The following ASPH variants were observed in gnomAD, a reference collection of about 807,000 sequenced individuals.
ASPH encodes aspartyl/asparaginyl beta-hydroxylase.
ASPH carries 100 observed loss-of-function variants against 118.4 expected under a neutral mutation model. That is an observed-to-expected ratio of 0.84 (90% CI 0.72 to 1.00). ASPH has a LOEUF of 1.00. Among genes scored for constraint, ASPH ranks in the 50% least tolerant of loss-of-function variants. The pLI is 0.00. For missense variants in ASPH, 920 were observed against 919.5 expected (o/e 1.00, Z -0.01); for synonymous variants, 315 against 325.6 (o/e 0.97, Z 0.35).
intron 1 of ASPH, among the ~76,000 whole-genome samples, chr8:61,685,317 G>C (rs1302690090): frequency 1.3e-5 from 2 of 152,160 alleles, no homozygotes; most frequent in Non-Finnish European, 2.9e-5. Context: ...GTTCCCTTCA[G>C]GGGCAGTTCC....
At chr8:61,644,660 T>A (rs1254917476) in intron 6 of ASPH, 28 bp from the exon 7 acceptor site, 2 of 1,555,700 alleles carry the variant, frequency 1.3e-6, no homozygotes, top group African/African-American at 2.7e-5. Context: ...AGATTGATAT[T>A]TACTGCTTTT....
At chr8:61,526,264 T>G (rs1297551946) in intron 21 of ASPH, 152 bp from the exon 22 acceptor site, 1 of 1,125,246 alleles carries the variant, frequency 8.9e-7, no homozygotes, top group Non-Finnish European at 1.2e-6. Flanking sequence ...TGGGACTTCT[T>G]GTCACAGCTA....
chr8:61,686,354 G>A (rs1360088021), intron 1 of ASPH, among the ~76,000 whole-genome samples: 1 of 152,150 alleles, frequency 6.6e-6, no homozygotes, highest in African/African-American at 2.4e-5. Context: ...AATGTTGGTA[G>A]AGGGAAATGG....
chr8:61,539,699 GGTGTGTGTGTGT>G (rs10522481), intron 21 of ASPH, among the ~76,000 whole-genome samples: 11 of 124,302 alleles, frequency 8.8e-5, no homozygotes, highest in Middle Eastern at 4.3e-3. Flanking sequence ...ACACTTCTGG[GGTGTGTGTGTGT>G]GTGTGTGTGT....
chr8:61,602,028 T>G (rs1208965804), intron 14 of ASPH, among the ~76,000 whole-genome samples: 7 of 151,408 alleles, frequency 4.6e-5, no homozygotes, highest in East Asian at 3.8e-4. Flanking sequence ...CCTTCACTAG[T>G]GAATTCTATC....
At chr8:61,689,939 A>C (rs1832138960) in intron 1 of ASPH, 9 of 980,026 alleles carry the variant, frequency 9.2e-6, no homozygotes, top group Non-Finnish European at 7.7e-6. Context: ...CTCCCTAACA[A>C]CACCACAGCC....
At chr8:61,701,486 A>G (rs1370780357) in intron 1 of ASPH, among the ~76,000 whole-genome samples, 1 of 152,240 alleles carries the variant, frequency 6.6e-6, no homozygotes, top group African/African-American at 2.4e-5. Flanking sequence ...TAAAATAAAT[A>G]CAAGGGGCTT....
At chr8:61,579,334 G>T (rs1318948571) in intron 15 of ASPH, 1 of 1,614,204 alleles carries the variant, frequency 6.2e-7, no homozygotes, top group Non-Finnish European at 8.5e-7. Flanking sequence ...CGGCAGCTGC[G>T]TGAGTACCAG....
At chr8:61,673,409 C>T (rs1410787158) in intron 3 of ASPH, among the ~76,000 whole-genome samples, 4 of 152,130 alleles carry the variant, frequency 2.6e-5, no homozygotes, top group African/African-American at 4.8e-5. Flanking sequence ...TGCCAAACTC[C>T]GGAGAACCCA....
At chr8:61,679,730 G>C (rs1827032710) in intron 3 of ASPH, among the ~76,000 whole-genome samples, 1 of 151,650 alleles carries the variant, frequency 6.6e-6, no homozygotes, top group Admixed American at 6.6e-5. Context: ...TTATAGGCAA[G>C]CAAATTAACA....
chr8:61,556,063 A>G (rs1374325502), intron 18 of ASPH, 41 bp from the exon 19 acceptor site: 2 of 1,560,342 alleles, frequency 1.3e-6, no homozygotes, highest in Middle Eastern at 1.7e-4. Context: ...CAAAGAAAAC[A>G]TAGGTGATTG....
At chr8:61,578,952 G>A in intron 15 of ASPH, 1 of 1,611,224 alleles carries the variant, frequency 6.2e-7, no homozygotes, top group Non-Finnish European at 8.5e-7. Context: ...CACATCTGTG[G>A]TGCTGTCCAT....
chr8:61,552,404 T>TG (rs1826339220), intron 20 of ASPH, among the ~76,000 whole-genome samples: 2 of 152,330 alleles, frequency 1.3e-5, no homozygotes, highest in South Asian at 4.1e-4. Flanking sequence ...AAAGGAAACA[T>TG]GGAACTTTTT....
At chr8:61,660,635 A>C (rs1394649004) in intron 3 of ASPH, 1 of 151,702 alleles carries the variant, frequency 6.6e-6, no homozygotes, top group Non-Finnish European at 1.5e-5. Flanking sequence ...AGCCAAAACT[A>C]CTCCTGGGCT....
intron 3 of ASPH, chr8:61,663,140 G>A (rs754329397): frequency 5.9e-5 from 58 of 985,186 alleles, no homozygotes; most frequent in Non-Finnish European, 6.9e-5. Flanking sequence ...TTTGAGAATC[G>A]TGTAACTTTC....
intron 1 of ASPH, among the ~76,000 whole-genome samples, chr8:61,706,195 A>G (rs534306046): frequency 1.3e-5 from 2 of 151,848 alleles, no homozygotes; most frequent in African/African-American, 2.4e-5. Context: ...AGTCGAGATG[A>G]GCAGACCACT....
At chr8:61,605,784 G>A (rs1337774773) in intron 14 of ASPH, among the ~76,000 whole-genome samples, 3 of 152,114 alleles carry the variant, frequency 2.0e-5, no homozygotes, top group Admixed American at 1.3e-4. Context: ...GACCAAGAAT[G>A]GAAACCTCTT....
At chr8:61,676,529 G>A (rs960822382) in intron 3 of ASPH, among the ~76,000 whole-genome samples, 4 of 152,088 alleles carry the variant, frequency 2.6e-5, no homozygotes, top group Non-Finnish European at 5.9e-5. Context: ...ATTTGACCAA[G>A]CCTCACCACT....
At chr8:61,530,022 G>A (rs1816985943) in intron 21 of ASPH, among the ~76,000 whole-genome samples, 1 of 152,204 alleles carries the variant, frequency 6.6e-6, no homozygotes, top group African/African-American at 2.4e-5. Flanking sequence ...GCGTATGTGT[G>A]TGCAGAAGAG....
Sources: allele counts gnomAD v4.1 joint callset (sites outside exome capture counted in the v4.1 genomes callset), GRCh38; gene constraint gnomAD v4.1.1; transcripts MANE v1.5; gene names NCBI Gene and HGNC (gene_info 2026-07-23, HGNC 2026-07-21).